Variants in GSN observed in about 807,000 individuals in gnomAD.
GSN encodes actin-depolymerizing factor.
In GSN, 56 loss-of-function variants were observed where a neutral mutation model predicts 85.7. The observed-to-expected ratio is 0.65, with a 90% CI of 0.53 to 0.82. GSN has a LOEUF of 0.82. GSN is among the 40% of genes least tolerant of loss of function. The pLI, the probability that GSN is intolerant of heterozygous loss-of-function variation, is 0.00. For synonymous variants in GSN, 373 were observed against 399.1 expected (o/e 0.93, Z 0.78); for missense variants, 857 against 979.8 (o/e 0.87, Z 1.67).
At chr9:121,242,359 G>C (rs956286601) in intron 5 of GSN, among the ~76,000 whole-genome samples, 2 of 152,154 alleles carry the variant, frequency 1.3e-5, no homozygotes, top group South Asian at 4.1e-4. Context: ...TTGCAAGGGA[G>C]AGATTTTTCT....
chr9:121,299,940 G>T lies in GSN; in HGVS notation c.-9-2023G>T. ...GTGCGCGCTGTCGCTGCCCGTCCGC[G>T]CGGCCACTGCGTCGCGGGGGGCGTC... On this transcript the variant is annotated intron_variant, in intron 2 of 17. Coordinates refer to ENST00000432226, the MANE Select transcript of GSN (RefSeq NM_198252.3). This position sits in a 1 kb window ranked among gnomAD's most constrained non-coding sequence, Gnocchi z 4.2. 1 of 1,260,960 alleles carries T rather than the reference G, an allele frequency of 7.9e-7. No homozygotes were observed. The highest frequency in any genetic ancestry group is 1.0e-6 in the Non-Finnish European group (1 of 1,001,494). The allele number at this position is 1,260,960 out of a possible 1,614,324, so 78.1% of individuals were successfully genotyped here. A position where few individuals can be genotyped will look rare whatever the true frequency, so the allele number is the denominator to read the frequency against.
intron 4 of GSN, among the ~76,000 whole-genome samples, chr9:121,228,983 CT>C (rs1298669208): frequency 1.3e-5 from 2 of 152,154 alleles, no homozygotes; most frequent in African/African-American, 4.8e-5. Flanking sequence ...AGGAAGGCCG[CT>C]TTCTACATAA....
Position 121,312,340 on chromosome 9 carries a change from A to T in GSN, c.515A>T (p.Asn172Ile). The T allele has an allele frequency of 6.2e-7, 1 of 1,614,130 alleles. No individual in the cohort carries two copies. Among genetic ancestry groups the T allele is most frequent in the Admixed American group, 1.7e-5 (1 of 60,028 alleles). ...GDCFILDLGN[N>I]IHQWCGSNSN... Reference sequence around the variant, plus strand: ...ACTTCCTGGGTCTCTGTCTTCCAGAACATCCACCAGTGGTGTGGTTCCAAC... The same window carrying T: ...ACTTCCTGGGTCTCTGTCTTCCAGATCATCCACCAGTGGTGTGGTTCCAAC... Residue 172 changes from asparagine (N) to isoleucine (I), a missense_variant and splice_region_variant, in exon 6 of 18, where the codon AAC becomes ATC. Transcript: ENST00000432226.
At position 121,284,259 on chromosome 9, in the gene GSN, G is replaced by T. The variant is rs181405494; in HGVS notation, c.-10+2697G>T. 446 of 167,258 alleles carry T rather than the reference G, an allele frequency of 2.7e-3. 2 individuals are homozygous for T. The highest frequency in any genetic ancestry group is 4.3e-3 in the Non-Finnish European group (296 of 68,148). 10.4% of individuals were successfully genotyped at this position (167,258 alleles called of 1,614,324 possible). The stretch of plus-strand genomic sequence containing the variant: ...AGGACCATCCTGATAAGCCATGAGG[G>T]TGCAATTTTTGGTTCTTCCACATCA... On this transcript the variant is annotated intron_variant, in intron 2 of 17. Coordinates refer to ENST00000432226, the MANE Select transcript of GSN (RefSeq NM_198252.3).
intron 2 of GSN, among the ~76,000 whole-genome samples, chr9:121,298,625 A>G (rs976010551): frequency 6.6e-6 from 1 of 152,252 alleles, no homozygotes; most frequent in African/African-American, 2.4e-5. Context: ...CTCATTTAGT[A>G]GATGAGAAGA....
At chr9:121,330,681 A>T (rs1021160301) in intron 16 of GSN, among the ~76,000 whole-genome samples, 1 of 152,264 alleles carries the variant, frequency 6.6e-6, no homozygotes, top group African/African-American at 2.4e-5. Flanking sequence ...AAAATAGATG[A>T]TACATAAAAA....
intron 3 of GSN, 41 bp downstream of exon 3, chr9:121,302,208 C>T (rs2059954915): frequency 1.2e-6 from 2 of 1,606,876 alleles, no homozygotes; most frequent in Admixed American, 1.7e-5. Flanking sequence ...AGCCCCCATT[C>T]TGAACAGTGC....
intron 4 of GSN, among the ~76,000 whole-genome samples, chr9:121,218,736 G>A (rs1481001487): frequency 1.3e-5 from 2 of 152,202 alleles, no homozygotes; most frequent in African/African-American, 4.8e-5. Context: ...GCTTATTGGT[G>A]GAGACAGCCA....
In GSN at chr9:121,329,728, C is replaced by A. The variant is rs115732274; in HGVS notation, c.1965+413C>A. ...AGGGCTCCTGCTTCTGGTTTGAGGG[C>A]TCTGGGCTCTGTCTCCACTTCATCT... On this transcript the variant is annotated intron_variant, in intron 16 of 17. Transcript: ENST00000432226. The surrounding 1 kb of genome is among the most constrained non-coding windows in gnomAD (Gnocchi z 4.6). Among the ~76,000 whole-genome samples, 601 of 152,280 alleles carry A rather than the reference C, an allele frequency of 3.9e-3. 3 individuals carry two copies. The highest frequency in any genetic ancestry group is 0.014 in the African/African-American group (574 of 41,554).
At chr9:121,210,815 A>G (rs1008836497) in exon 4 of GSN, 1 of 152,226 alleles carries the variant, frequency 6.6e-6, no homozygotes, top group Non-Finnish European at 1.5e-5. Context: ...GCCCATAACC[A>G]GGCACTGTGT....
At chr9:121,307,228 A>C (rs765503124) in intron 4 of GSN, among the ~76,000 whole-genome samples, 13 of 152,212 alleles carry the variant, frequency 8.5e-5, no homozygotes, top group Non-Finnish European at 1.6e-4. Flanking sequence ...ATTTTTAAGA[A>C]GTGAGATTTA....
chr9:121,224,739 C>A, intron 4 of GSN, among the ~76,000 whole-genome samples: 2 of 113,340 alleles, frequency 1.8e-5, no homozygotes, highest in African/African-American at 3.4e-5. Flanking sequence ...GCTAGGCTAC[C>A]TGAAAAAAAA....
Position 121,318,327 on chromosome 9 carries a change from T to A in GSN, c.887-79T>A. ...TAGGGAGGGAAGTTTGGCAGCTCCT[T>A]CTCCTGGACTGTTAAAGGTCAGGAT... On this transcript the variant is annotated intron_variant, in intron 8 of 17. Coordinates refer to ENST00000432226, the MANE Select transcript of GSN (RefSeq NM_198252.3). The surrounding 1 kb of genome is among the most constrained non-coding windows in gnomAD (Gnocchi z 4.3). 8.6e-7 allele frequency: 1 copy of A among 1,163,160 alleles called. No homozygotes were observed. Among genetic ancestry groups the A allele is most frequent in the Non-Finnish European group, 1.3e-6 (1 of 768,948 alleles). 72.1% of individuals were successfully genotyped at this position (1,163,160 alleles called of 1,614,324 possible).
At chr9:121,248,614 G>A (rs1317240791) in intron 6 of GSN, among the ~76,000 whole-genome samples, 7 of 152,188 alleles carry the variant, frequency 4.6e-5, no homozygotes, top group Admixed American at 4.6e-4. Flanking sequence ...TGTATCCAAA[G>A]CTAAAAATGG....
intron 2 of GSN, among the ~76,000 whole-genome samples, chr9:121,291,504 C>T (rs559402345): frequency 1.3e-5 from 2 of 149,746 alleles, no homozygotes; most frequent in African/African-American, 4.9e-5. Context: ...CCGCAACCTC[C>T]ATCTCGTGGG....
chr9:121,332,508 G>C lies in GSN; in HGVS notation c.2101G>C (p.Glu701Gln). 6.2e-7 allele frequency: 1 copy of C among 1,614,066 alleles called. No homozygotes were observed. Among genetic ancestry groups the C allele is most frequent in the Non-Finnish European group, 8.5e-7 (1 of 1,179,934 alleles). The change falls in exon 18 of 18, where the codon GAG becomes CAG. Residue 701 changes from glutamate to glutamine, a missense_variant. By Grantham distance (29) the Glu-to-Gln change is conservative (BLOSUM62 2). Coordinates refer to ENST00000432226, the MANE Select transcript of GSN (RefSeq NM_198252.3). This position sits in a 1 kb window ranked among gnomAD's most constrained non-coding sequence, Gnocchi z 4.8. Reference sequence around the variant, plus strand: ...CATCACCGTGGTGAAGCAAGGCTTTGAGCCTCCCTCCTTTGTGGGCTGGTT... The same window carrying C: ...CATCACCGTGGTGAAGCAAGGCTTTCAGCCTCCCTCCTTTGTGGGCTGGTT... ...TPITVVKQGF[E>Q]PPSFVGWFLG...
chr9:121,291,685 G>C (rs1253309329), intron 2 of GSN, among the ~76,000 whole-genome samples: 1 of 152,080 alleles, frequency 6.6e-6, no homozygotes, highest in African/African-American at 2.4e-5. Context: ...CTCCCAAAGT[G>C]CTGGAATTAC....
chr9:121,323,419 G>C (rs1229083724), intron 11 of GSN, among the ~76,000 whole-genome samples: 2 of 147,222 alleles, frequency 1.4e-5, no homozygotes, highest in Non-Finnish European at 3.0e-5. Flanking sequence ...CGCCAGGCTG[G>C]AGTGCAGTGG....
upstream of GSN, among the ~76,000 whole-genome samples, chr9:121,204,516 C>A (rs2053852321): frequency 6.6e-6 from 1 of 152,192 alleles, no homozygotes; most frequent in Non-Finnish European, 1.5e-5. Context: ...ATGGTCAATT[C>A]TTTTAATAAG....
Sources: allele counts gnomAD v4.1 joint callset (sites outside exome capture counted in the v4.1 genomes callset), GRCh38; gene constraint gnomAD v4.1.1; non-coding constraint Gnocchi (gnomAD v3.1); transcripts MANE v1.5; gene names NCBI Gene and HGNC (gene_info 2026-07-23, HGNC 2026-07-21).